Variants in CACNA1C observed in about 807,000 individuals in gnomAD.
CACNA1C encodes voltage-dependent L-type calcium channel subunit alpha-1C.
In CACNA1C, 30 loss-of-function variants were observed where a neutral mutation model predicts 229.0. The observed-to-expected ratio is 0.13, with a 90% CI of 0.10 to 0.18. The LOEUF (loss-of-function observed/expected upper bound fraction) is 0.18. CACNA1C is among the 10% of genes least tolerant of loss of function. The probability of loss-of-function intolerance (pLI) is 1.00; values close to 1 mark genes in which losing one functional copy is unlikely to be tolerated. For missense variants in CACNA1C, 1,658 were observed against 2,845.0 expected, an observed-to-expected ratio of 0.58 and a Z score of 9.49; for synonymous variants, 1,114 against 1,132.5, an observed-to-expected ratio of 0.98 and a Z score of 0.33.
intron 1 of CACNA1C, among the ~76,000 whole-genome samples, chr12:2,023,011 T>C (rs1001886302): frequency 2.6e-5 from 4 of 152,052 alleles, no homozygotes; most frequent in African/African-American, 9.7e-5. Context: ...TGAGCCTGGT[T>C]TTATACTCTG....
At chr12:2,688,397 T>G in intron 45 of CACNA1C, 50 bp from the exon 46 acceptor site, 1 of 1,562,156 alleles carries the variant, frequency 6.4e-7, no homozygotes, top group African/African-American at 1.3e-5. Context: ...GGGCCTGCCT[T>G]GTTTGGGGTC....
chr12:2,501,587 G>A (rs530960170), intron 7 of CACNA1C, among the ~76,000 whole-genome samples: 8 of 152,366 alleles, frequency 5.3e-5, no homozygotes, highest in Middle Eastern at 3.4e-3. Flanking sequence ...ACAGCCCATC[G>A]TGGCCAGCAC....
intron 3 of CACNA1C, among the ~76,000 whole-genome samples, chr12:2,299,792 A>G (rs2094411071): frequency 6.6e-6 from 1 of 152,130 alleles, no homozygotes; most frequent in Admixed American, 6.5e-5. Flanking sequence ...CCTAGGGTTC[A>G]CTAGATAGGC....
intron 3 of CACNA1C, among the ~76,000 whole-genome samples, chr12:2,163,100 A>T (rs1326590592): frequency 1.3e-5 from 2 of 150,778 alleles, no homozygotes; most frequent in Non-Finnish European, 2.9e-5. Flanking sequence ...TGGGAGGCTG[A>T]GGCAGGAGAA....
At chr12:2,626,236 CT>C (rs1297772187) in intron 29 of CACNA1C, among the ~76,000 whole-genome samples, 12 of 152,256 alleles carry the variant, frequency 7.9e-5, no homozygotes, top group Non-Finnish European at 1.6e-4. Flanking sequence ...CCTGTGCTCT[CT>C]CCAGGAGCAC....
At chr12:2,555,629 A>G (rs996738957) in intron 10 of CACNA1C, among the ~76,000 whole-genome samples, 1 of 152,094 alleles carries the variant, frequency 6.6e-6, no homozygotes, top group Non-Finnish European at 1.5e-5. Context: ...CCCCTCCCAC[A>G]CGCTGTTAAC....
chr12:2,669,663 G>C (rs968388714), intron 38 of CACNA1C, among the ~76,000 whole-genome samples: 7 of 152,192 alleles, frequency 4.6e-5, no homozygotes, highest in Admixed American at 3.9e-4. Context: ...GACTGTGCTG[G>C]GAAGACGTGT....
At chr12:2,421,825 C>T (rs1276938410) in intron 3 of CACNA1C, among the ~76,000 whole-genome samples, 1 of 151,912 alleles carries the variant, frequency 6.6e-6, no homozygotes, top group Non-Finnish European at 1.5e-5. Flanking sequence ...GCAGGGGAAT[C>T]GCTTGAACCT....
intron 1 of CACNA1C, among the ~76,000 whole-genome samples, chr12:2,008,518 G>C (rs1388450587): frequency 6.7e-6 from 1 of 150,338 alleles, no homozygotes; most frequent in Non-Finnish European, 1.5e-5. Context: ...GTACATAATA[G>C]AGATTCAATA....
In CACNA1C at chr12:2,512,764, C is replaced by T. The variant is rs2099787640; in HGVS notation, c.1218-48C>T. 6.9e-7 allele frequency: 1 copy of T among 1,453,090 alleles called. No homozygotes were observed. 90.0% of individuals were successfully genotyped at this position (1,453,090 alleles called of 1,614,324 possible). On this transcript the variant is annotated intron_variant, in intron 8 of 46. Transcript: ENST00000399655. This position sits in a 1 kb window ranked among gnomAD's most constrained non-coding sequence, Gnocchi z 4.3. ...CATCCTCGACCCTTCTCGGTGCTCCCTCCTTCTCTGTGCTCTCCTGCCCTG... is the reference window on the plus strand; with the variant it reads ...CATCCTCGACCCTTCTCGGTGCTCCTTCCTTCTCTGTGCTCTCCTGCCCTG...
At chr12:2,581,102 G>GA (rs1278248493) in intron 13 of CACNA1C, among the ~76,000 whole-genome samples, 1 of 152,010 alleles carries the variant, frequency 6.6e-6, no homozygotes, top group Non-Finnish European at 1.5e-5. Flanking sequence ...CATGGTGGGG[G>GA]AAAAAAAGCT....
At chr12:2,652,515 C>T (rs1319680732) in intron 32 of CACNA1C, among the ~76,000 whole-genome samples, 1 of 152,246 alleles carries the variant, frequency 6.6e-6, no homozygotes, top group East Asian at 1.9e-4. Context: ...GGCTTCTCTC[C>T]CCCCATGGAG....
intron 3 of CACNA1C, among the ~76,000 whole-genome samples, chr12:2,158,296 A>G (rs1221099605): frequency 6.6e-6 from 1 of 152,216 alleles, no homozygotes; most frequent in East Asian, 1.9e-4. Context: ...ACAAGTTTCT[A>G]GGCTGGGCAC....
intron 29 of CACNA1C, among the ~76,000 whole-genome samples, chr12:2,625,468 C>T (rs927955060): frequency 6.6e-6 from 1 of 152,190 alleles, no homozygotes; most frequent in African/African-American, 2.4e-5. Flanking sequence ...CCAGTGCTTC[C>T]GGCCCTGCGC....
In CACNA1C at chr12:2,185,872, C is replaced by T. The variant is rs144031323; in HGVS notation, c.477+65442C>T. 7.0e-3 allele frequency among the ~76,000 whole-genome samples: 1,060 copies of T among 152,270 alleles called. 11 individuals are homozygous for T. Among genetic ancestry groups the T allele is most frequent in the African/African-American group, 0.024 (996 of 41,542 alleles). On this transcript the variant is annotated intron_variant, in intron 3 of 46. Coordinates refer to ENST00000399655, the MANE Select transcript of CACNA1C (RefSeq NM_000719.7). ...CGTGTCTTTGCCCGGTGGGCTCCAGCCGCGCCTGGGCAGCAGTCTAGACTT... is the reference window on the plus strand; with the variant it reads ...CGTGTCTTTGCCCGGTGGGCTCCAGTCGCGCCTGGGCAGCAGTCTAGACTT...
At chr12:2,303,027 A>G (rs2094697278) in intron 3 of CACNA1C, among the ~76,000 whole-genome samples, 1 of 152,226 alleles carries the variant, frequency 6.6e-6, no homozygotes, top group Non-Finnish European at 1.5e-5. Context: ...AGCAGGGTGC[A>G]GAGCTCCTCC....
At chr12:1,996,630 A>C (rs12826807) in intron 1 of CACNA1C, among the ~76,000 whole-genome samples, 18,638 of 112,972 alleles carry the variant, frequency 0.16, 2,462 homozygotes, top group Admixed American at 0.23. Context: ...AAAAAAAAAA[A>C]AAAAAAAAAA....
chr12:2,071,170 C>CT lies in CACNA1C; in HGVS notation c.49+17560dup, dbSNP rs1202388602. ...CCTCCCTCCCTCCCTCCCTCCCTCC[C>CT]TCCCTGCCTGCCTGCCTGCCTGCCT... On this transcript the variant is annotated intron_variant, in intron 1 of 46. Coordinates refer to ENST00000399655, the MANE Select transcript of CACNA1C (RefSeq NM_000719.7). Among the ~76,000 whole-genome samples, 91 of 98,740 alleles carry CT rather than the reference C, an allele frequency of 9.2e-4. 22 individuals carry two copies. The highest frequency in any genetic ancestry group is 1.4e-3 in the Non-Finnish European group (67 of 48,142). The allele number at this position is 98,740 out of a possible 152,430, so 64.8% of individuals were successfully genotyped here.
chr12:2,501,209 C>CAAAAAAAAAAAAAAAAAA (rs59324696), intron 7 of CACNA1C, among the ~76,000 whole-genome samples: 4 of 31,386 alleles, frequency 1.3e-4, no homozygotes, highest in African/African-American at 5.1e-4. Flanking sequence ...GACTCCACCT[C>CAAAAAAAAAAAAAAAAAA]AAAAAAAAAA....
Sources: allele counts gnomAD v4.1 joint callset (sites outside exome capture counted in the v4.1 genomes callset), GRCh38; gene constraint gnomAD v4.1.1; non-coding constraint Gnocchi (gnomAD v3.1); transcripts MANE v1.5; gene names NCBI Gene and HGNC (gene_info 2026-07-23, HGNC 2026-07-21).